MRGPRX3: variants seen among roughly 807,000 people sequenced by gnomAD.
MRGPRX3 encodes the protein mas-related G protein-coupled receptor member X3.
In MRGPRX3, 14 loss-of-function variants were observed where a neutral mutation model predicts 16.5. That is an observed-to-expected ratio of 0.85 (90% confidence interval 0.56 to 1.33). The LOEUF is 1.33. MRGPRX3 is among the 40% of genes most tolerant of loss of function. The pLI is 0.00. For synonymous variants in MRGPRX3, 199 were observed against 180.1 expected, an observed-to-expected ratio of 1.10 and a Z score of -0.84; for missense variants, 449 against 413.0, an observed-to-expected ratio of 1.09 and a Z score of -0.76.
At chr11:18,124,662 G>A (rs1054412828) in intron 1 of MRGPRX3, among the ~76,000 whole-genome samples, 9 of 151,882 alleles carry the variant, frequency 5.9e-5, no homozygotes, top group East Asian at 1.9e-4. Flanking sequence ...TTTTTGTTGT[G>A]TCTCTGCCAG....
At position 18,138,111 on chromosome 11, in the gene MRGPRX3, A is replaced by C. The variant is rs1245934025; in HGVS notation, c.909A>C (p.Glu303Asp). The C allele has an allele frequency of 1.2e-5, 19 of 1,613,966 alleles. No homozygotes were observed. Among genetic ancestry groups the C allele is most frequent in the Non-Finnish European group, 1.6e-5 (19 of 1,180,020 alleles). The stretch of plus-strand genomic sequence containing the variant: ...TGCAGGACACGCCTGAGGTGGATGA[A>C]GGTGGAGGGTGGCTTCCTCAGGAAA... Reference protein sequence around the residue: ...RALQDTPEVDEGGGWLPQETL... With the variant: ...RALQDTPEVDDGGGWLPQETL... The change falls in exon 2 of 2, where the codon GAA (glutamate) becomes GAC (aspartate). Residue 303 changes from glutamate (E) to aspartate (D), a missense_variant. Coordinates refer to ENST00000621697, the MANE Select transcript of MRGPRX3 (RefSeq NM_001370464.1).
intron 1 of MRGPRX3, 72 bp downstream of exon 1, chr11:18,132,811 C>T (rs1337684405): frequency 6.6e-6 from 1 of 152,246 alleles, no homozygotes; most frequent in Non-Finnish European, 1.5e-5. Flanking sequence ...CTTATGCTTC[C>T]ACCTTGGTGC....
At position 18,137,746 on chromosome 11, in the gene MRGPRX3, G is replaced by T. The variant is rs572680080; in HGVS notation, c.544G>T (p.Ala182Ser). The change falls in exon 2 of 2, where the codon GCG (alanine) becomes TCG (serine). Residue 182 changes from alanine to serine, a missense_variant. By Grantham distance (99) the Ala-to-Ser change is moderately conservative. Coordinates refer to ENST00000621697, the MANE Select transcript of MRGPRX3 (RefSeq NM_001370464.1). ...TGAAACGTCAGATTTCATTACAATC[G>T]CGTGGCTGGTTTTTTTATGTGTGGT... ...WCETSDFITI[A>S]WLVFLCVVLC... is the part of the protein sequence containing the mutation. 4 of 1,614,026 alleles carry T rather than the reference G, an allele frequency of 2.5e-6. No homozygotes were observed. Among genetic ancestry groups the T allele is most frequent in the Admixed American group, 3.3e-5 (2 of 60,000 alleles).
chr11:18,123,496 G>A (rs138021174), intron 1 of MRGPRX3, among the ~76,000 whole-genome samples: 3,971 of 152,128 alleles, frequency 0.026, 179 homozygotes, highest in African/African-American at 0.09. Flanking sequence ...TCAGATAGTC[G>A]TAGATATGTG....
At chr11:18,130,504 C>T (rs564043184), upstream of MRGPRX3, among the ~76,000 whole-genome samples, 3 of 152,092 alleles carry the variant, frequency 2.0e-5, no homozygotes, top group African/African-American at 7.2e-5. Context: ...CTACAAAACA[C>T]AGCTGACATC....
intron 1 of MRGPRX3, among the ~76,000 whole-genome samples, chr11:18,125,190 C>T (rs1848880574): frequency 6.6e-6 from 1 of 152,170 alleles, no homozygotes; most frequent in South Asian, 2.1e-4. Flanking sequence ...CTATCTCCTT[C>T]AGTTCTACTC....
At chr11:18,130,657 TA>T (rs1848951888), upstream of MRGPRX3, among the ~76,000 whole-genome samples, 1 of 106,038 alleles carries the variant, frequency 9.4e-6, no homozygotes, top group Non-Finnish European at 1.9e-5. Flanking sequence ...TTCACAGAAC[TA>T]GAAAAAAACA....
At position 18,137,741 on chromosome 11, in the gene MRGPRX3, C is replaced by T. The variant is rs145633342; in HGVS notation, c.539C>T (p.Thr180Ile). The T allele has an allele frequency of 4.4e-4, 711 of 1,614,068 alleles. 5 individuals are homozygous for T. In the African/African-American group the frequency reaches 8.6e-3, roughly 20 times the overall value. Residue 180 changes from threonine (T) to isoleucine (I), a missense_variant, in exon 2 of 2, where the codon ACA becomes ATA. Physicochemically the swap from Thr to Ile is moderately conservative, Grantham distance 89. Coordinates refer to ENST00000621697, the MANE Select transcript of MRGPRX3 (RefSeq NM_001370464.1). ...TGGTGTGAAACGTCAGATTTCATTA[C>T]AATCGCGTGGCTGGTTTTTTTATGT... is the stretch of plus-strand genomic sequence containing the variant. ...SVWCETSDFI[T>I]IAWLVFLCVV...
At chr11:18,131,198 C>A (rs116168674), upstream of MRGPRX3, among the ~76,000 whole-genome samples, 1,174 of 152,162 alleles carry the variant, frequency 7.7e-3, 19 homozygotes, top group African/African-American at 0.027. Context: ...CTTAATTAAA[C>A]TAAAAAGCTT....
At chr11:18,125,935 T>C (rs935288084) in intron 1 of MRGPRX3, among the ~76,000 whole-genome samples, 6 of 152,256 alleles carry the variant, frequency 3.9e-5, no homozygotes, top group Admixed American at 3.3e-4. Context: ...CCCTTTACCA[T>C]TATGTAATGG....
At chr11:18,124,072 C>A (rs59228869) in intron 1 of MRGPRX3, among the ~76,000 whole-genome samples, 7,782 of 152,248 alleles carry the variant, frequency 0.051, 665 homozygotes, top group African/African-American at 0.18. Context: ...TGCTTATCAG[C>A]TTAAGGAGAT....
Position 18,138,296 on chromosome 11 carries a change from G to A in MRGPRX3, c.*125G>A, listed in dbSNP as rs2468836. 4.2e-5 allele frequency: 60 copies of A among 1,443,656 alleles called. No individual in the cohort carries two copies. Among genetic ancestry groups the A allele is most frequent in the African/African-American group, 3.5e-4 (25 of 70,440 alleles). The allele number at this position is 1,443,656 out of a possible 1,614,324, so 89.4% of individuals were successfully genotyped here. ...GTCTCAGTGGTCCCTCAAGGTCTTC[G>A]AATAGATGTTTATCTAACCTGACAG... On this transcript the variant is annotated 3_prime_UTR_variant, in exon 2 of 2. Coordinates refer to ENST00000621697, the MANE Select transcript of MRGPRX3 (RefSeq NM_001370464.1).
intron 1 of MRGPRX3, among the ~76,000 whole-genome samples, chr11:18,124,588 G>A (rs1205083518): frequency 1.3e-5 from 2 of 152,152 alleles, no homozygotes; most frequent in African/African-American, 2.4e-5. Context: ...GATTCAGTTT[G>A]CCAGTATTTT....
intron 1 of MRGPRX3, among the ~76,000 whole-genome samples, chr11:18,133,230 A>G (rs1848979144): frequency 6.6e-6 from 1 of 152,248 alleles, no homozygotes; most frequent in African/African-American, 2.4e-5. Flanking sequence ...CTAAGCAGCA[A>G]TACATAGGGG....
At chr11:18,134,343 T>C (rs1478451977) in intron 1 of MRGPRX3, among the ~76,000 whole-genome samples, 2 of 152,172 alleles carry the variant, frequency 1.3e-5, no homozygotes, top group Non-Finnish European at 2.9e-5. Context: ...TTTCCAAAAA[T>C]AAAGGTGTGG....
chr11:18,135,211 G>A (rs1017960796), intron 1 of MRGPRX3, among the ~76,000 whole-genome samples: 1 of 152,278 alleles, frequency 6.6e-6, no homozygotes, highest in African/African-American at 2.4e-5. Context: ...GAACATCATA[G>A]CATGTTAAAC....
intron 1 of MRGPRX3, among the ~76,000 whole-genome samples, chr11:18,127,111 T>C (rs1299276106): frequency 2.0e-5 from 3 of 152,252 alleles, no homozygotes; most frequent in Admixed American, 1.3e-4. Flanking sequence ...CACTCTCTTC[T>C]GGCTTGTGGA....
intron 1 of MRGPRX3, among the ~76,000 whole-genome samples, chr11:18,123,956 A>C (rs1219014325): frequency 6.6e-6 from 1 of 151,922 alleles, no homozygotes; most frequent in Non-Finnish European, 1.5e-5. Context: ...AGCAATTGTG[A>C]ATAGGAGTTC....
At chr11:18,128,252 C>T (rs1457827597), upstream of MRGPRX3, among the ~76,000 whole-genome samples, 1 of 152,202 alleles carries the variant, frequency 6.6e-6, no homozygotes, top group Non-Finnish European at 1.5e-5. Flanking sequence ...GGCAGTCTGC[C>T]TTTTCTCAGA....
Sources: gnomAD v4.1 joint callset for allele counts (sites outside exome capture counted in the v4.1 genomes callset) on GRCh38, gnomAD v4.1.1 for gene constraint, MANE v1.5 for transcripts, NCBI Gene and HGNC (gene_info 2026-07-23, HGNC 2026-07-21) for gene names.